The following PTPRM variants were observed in gnomAD, a reference collection of about 807,000 sequenced individuals.
PTPRM encodes the protein protein tyrosine phosphatase receptor type M, also known as receptor-type tyrosine-protein phosphatase mu.
In PTPRM, 47 loss-of-function variants were observed where a neutral mutation model predicts 186.7. The observed-to-expected ratio is 0.25, with a 90% CI of 0.20 to 0.32. PTPRM has a LOEUF of 0.32. PTPRM is among the 10% of genes least tolerant of loss of function. The probability of loss-of-function intolerance (pLI) is 1.00; values close to 1 mark genes in which losing one functional copy is unlikely to be tolerated. For synonymous variants in PTPRM, 668 were observed against 674.9 expected (o/e 0.99, Z 0.16); for missense variants, 1,494 against 1,865.0 (o/e 0.80, Z 3.66).
intron 1 of PTPRM, among the ~76,000 whole-genome samples, chr18:7,658,584 A>T (rs1032228244): frequency 6.6e-6 from 1 of 151,858 alleles, no homozygotes; most frequent in Non-Finnish European, 1.5e-5. Flanking sequence ...CCTCCTTGTA[A>T]AGACGTTTTA....
intron 22 of PTPRM, among the ~76,000 whole-genome samples, chr18:8,326,156 G>A (rs1388743683): frequency 1.3e-5 from 2 of 152,084 alleles, no homozygotes; most frequent in African/African-American, 4.8e-5. Context: ...AGTTTTTCTT[G>A]TTGTGCAGAA....
rs561845885 is a variant in PTPRM, at chr18:8,270,488, T to C, written c.2754+17074T>C. 5.3e-5 allele frequency: 8 copies of C among 152,236 alleles called. No individual in the cohort carries two copies. In the South Asian group the frequency reaches 1.4e-3, roughly 28 times the overall value. The allele number at this position is 152,236 out of a possible 1,614,324, so 9.4% of individuals were successfully genotyped here. On this transcript the variant is annotated intron_variant, in intron 19 of 32. Transcript: ENST00000580170. ...AGAATGTAATTTTTTACCACCATTA[T>C]GGAAAACAGTGTGGAGATTCCACAA...
At chr18:8,359,368 G>C (rs566524354) in intron 23 of PTPRM, among the ~76,000 whole-genome samples, 2 of 152,370 alleles carry the variant, frequency 1.3e-5, no homozygotes, top group South Asian at 4.1e-4. Flanking sequence ...AGCCTATGGA[G>C]ACACCTGTGC....
At chr18:7,885,848 AAC>A (rs1446658997) in intron 2 of PTPRM, among the ~76,000 whole-genome samples, 1 of 152,176 alleles carries the variant, frequency 6.6e-6, no homozygotes, top group East Asian at 1.9e-4. Flanking sequence ...CTAGTAAAAT[AAC>A]AGTTTTGGAA....
chr18:7,702,943 C>T, intron 1 of PTPRM, among the ~76,000 whole-genome samples: 1 of 152,102 alleles, frequency 6.6e-6, no homozygotes, highest in South Asian at 2.1e-4. Context: ...GGAATCCTTT[C>T]CCCATTGCTG....
intron 28 of PTPRM, 26 bp downstream of exon 28, chr18:8,379,366 T>A (rs759746839): frequency 2.0e-5 from 32 of 1,576,792 alleles, no homozygotes; most frequent in Non-Finnish European, 2.5e-5. Flanking sequence ...CCCGCACGGG[T>A]CCGAGGCTGG....
At chr18:7,605,075 C>T (rs1276634390) in intron 1 of PTPRM, among the ~76,000 whole-genome samples, 2 of 152,146 alleles carry the variant, frequency 1.3e-5, no homozygotes, top group African/African-American at 4.8e-5. Flanking sequence ...TAAGTTTAAT[C>T]TCTGGCAGGG....
chr18:8,315,901 C>T (rs2095305729), intron 21 of PTPRM, among the ~76,000 whole-genome samples: 1 of 152,156 alleles, frequency 6.6e-6, no homozygotes, highest in African/African-American at 2.4e-5. Flanking sequence ...ATTCATCAAA[C>T]GAAGACCCCT....
intron 2 of PTPRM, among the ~76,000 whole-genome samples, chr18:7,792,578 A>G (rs1373609872): frequency 3.9e-5 from 6 of 152,196 alleles, no homozygotes; most frequent in Non-Finnish European, 8.8e-5. Flanking sequence ...CTGACACATA[A>G]TACATTTTTT....
intron 2 of PTPRM, among the ~76,000 whole-genome samples, chr18:7,866,616 C>A (rs2047712843): frequency 6.6e-6 from 1 of 152,106 alleles, no homozygotes; most frequent in Non-Finnish European, 1.5e-5. Flanking sequence ...ATTATGTGGT[C>A]AATTTTAGAA....
At chr18:7,806,619 TGTGCA>T (rs1202247877) in intron 2 of PTPRM, among the ~76,000 whole-genome samples, 1 of 152,228 alleles carries the variant, frequency 6.6e-6, no homozygotes, top group African/African-American at 2.4e-5. Flanking sequence ...TGTATTATTT[TGTGCA>T]GTGCAGTGCT....
chr18:7,708,310 C>T (rs993668698), intron 1 of PTPRM, among the ~76,000 whole-genome samples: 1 of 152,122 alleles, frequency 6.6e-6, no homozygotes, highest in African/African-American at 2.4e-5. Context: ...TAGTAAACTC[C>T]TAGCAAAAAT....
chr18:7,735,919 T>C (rs547112369), intron 1 of PTPRM, among the ~76,000 whole-genome samples: 61 of 152,134 alleles, frequency 4.0e-4, no homozygotes, highest in Non-Finnish European at 7.8e-4. Context: ...TCAGGAAATC[T>C]TTGAATCCTT....
chr18:8,396,152 C>T (rs1013408793), intron 32 of PTPRM, among the ~76,000 whole-genome samples: 7 of 152,188 alleles, frequency 4.6e-5, no homozygotes, highest in African/African-American at 1.7e-4. Context: ...AGAGTTCTAC[C>T]GCCATGGAAT....
intron 6 of PTPRM, among the ~76,000 whole-genome samples, chr18:7,949,750 A>G (rs1267039078): frequency 6.6e-6 from 1 of 152,216 alleles, no homozygotes; most frequent in Admixed American, 6.5e-5. Context: ...AAGCAGTGTC[A>G]GTATAAACAT....
At chr18:8,213,499 T>C (rs1182134350) in intron 14 of PTPRM, among the ~76,000 whole-genome samples, 1 of 152,198 alleles carries the variant, frequency 6.6e-6, no homozygotes, top group Non-Finnish European at 1.5e-5. Flanking sequence ...CAGAAAATAA[T>C]GGAGAAAGAA....
intron 7 of PTPRM, among the ~76,000 whole-genome samples, chr18:7,959,095 G>A (rs1475898648): frequency 6.6e-6 from 1 of 152,136 alleles, no homozygotes; most frequent in African/African-American, 2.4e-5. Context: ...ATAATAATAT[G>A]TGTTTCATTG....
chr18:7,888,662 A>ACATTTACAC (rs2048907343), intron 3 of PTPRM, among the ~76,000 whole-genome samples: 1 of 152,170 alleles, frequency 6.6e-6, no homozygotes, highest in Non-Finnish European at 1.5e-5. Context: ...ACATGAGTTC[A>ACATTTACAC]GGTGTTTTTT....
At chr18:7,646,503 A>G (rs1473280825) in intron 1 of PTPRM, among the ~76,000 whole-genome samples, 1 of 152,042 alleles carries the variant, frequency 6.6e-6, no homozygotes, top group Non-Finnish European at 1.5e-5. Context: ...GGCTCTTCCC[A>G]TCTTGTTCCA....
Sources: allele counts gnomAD v4.1 joint callset (sites outside exome capture counted in the v4.1 genomes callset), GRCh38; gene constraint gnomAD v4.1.1; transcripts MANE v1.5; gene names NCBI Gene and HGNC (gene_info 2026-07-23, HGNC 2026-07-21).